Variants in FRMD3 observed in about 807,000 individuals in gnomAD.
FRMD3 encodes the protein FERM domain-containing protein 3.
FRMD3 carries 33 observed loss-of-function variants against 70.2 expected under a neutral mutation model. The observed-to-expected ratio is 0.47, with a 90% CI of 0.36 to 0.63. The LOEUF (loss-of-function observed/expected upper bound fraction) is 0.63. FRMD3 is among the 20% of genes least tolerant of loss of function. FRMD3 has a pLI of 0.00. For synonymous variants in FRMD3, 279 were observed against 255.9 expected, an observed-to-expected ratio of 1.09 and a Z score of -0.86; for missense variants, 632 against 711.4, an observed-to-expected ratio of 0.89 and a Z score of 1.27.
intron 12 of FRMD3, among the ~76,000 whole-genome samples, chr9:83,290,966 A>G (rs1834396203): frequency 6.6e-6 from 1 of 152,182 alleles, no homozygotes; most frequent in Admixed American, 6.5e-5. Flanking sequence ...TACAGTTCCC[A>G]ATACATCACC....
intron 4 of FRMD3, 109 bp downstream of exon 4, chr9:83,349,570 C>T: frequency 1.5e-6 from 1 of 660,906 alleles, no homozygotes; most frequent in Non-Finnish European, 2.6e-6. Context: ...TCCAAGCTTG[C>T]AACACTGAGA....
At chr9:83,464,588 G>A (rs1828067374) in intron 1 of FRMD3, among the ~76,000 whole-genome samples, 2 of 152,140 alleles carry the variant, frequency 1.3e-5, no homozygotes, top group African/African-American at 2.4e-5. Context: ...CAATCTGATC[G>A]AAACCCATGA....
chr9:83,356,561 C>A (rs1187615426), intron 3 of FRMD3, among the ~76,000 whole-genome samples: 1 of 151,670 alleles, frequency 6.6e-6, no homozygotes, highest in Non-Finnish European at 1.5e-5. Context: ...CAGGGGTGAG[C>A]CACCGCGCCC....
Position 83,388,999 on chromosome 9 carries a change from G to A in FRMD3, c.252+605C>T, listed in dbSNP as rs117552828. 1.9e-3 allele frequency among the ~76,000 whole-genome samples: 271 copies of A among 143,704 alleles called. 6 individuals carry two copies. The East Asian group carries it at 0.046, about 24-fold the overall frequency. 94.3% of individuals were successfully genotyped at this position (143,704 alleles called of 152,430 possible). On this transcript the variant is annotated intron_variant, in intron 2 of 13. Transcript: ENST00000304195. ...CTTGCTCTGTAACCCAGGCTGGAGT[G>A]TAGTAGCCCCATCACAGATCACTGC...
chr9:83,354,058 G>A (rs1008181586), intron 3 of FRMD3, among the ~76,000 whole-genome samples: 1 of 152,120 alleles, frequency 6.6e-6, no homozygotes, highest in African/African-American at 2.4e-5. Flanking sequence ...CCAAGTAGCT[G>A]AGAATACAGG....
intron 1 of FRMD3, among the ~76,000 whole-genome samples, chr9:83,397,390 C>G (rs1272048361): frequency 6.6e-6 from 1 of 152,174 alleles, no homozygotes; most frequent in Non-Finnish European, 1.5e-5. Flanking sequence ...GAAGTACATC[C>G]TCAGAGCCAG....
At chr9:83,396,440 A>G (rs1157760057) in intron 1 of FRMD3, among the ~76,000 whole-genome samples, 1 of 152,228 alleles carries the variant, frequency 6.6e-6, no homozygotes, top group Admixed American at 6.5e-5. Context: ...GTGTACACAC[A>G]TGCACGCACA....
intron 1 of FRMD3, among the ~76,000 whole-genome samples, chr9:83,450,616 G>A (rs140095742): frequency 7.6e-4 from 115 of 152,164 alleles, no homozygotes; most frequent in African/African-American, 2.6e-3. Context: ...GAGTCCCCAC[G>A]TGGCAGCCTG....
intron 1 of FRMD3, among the ~76,000 whole-genome samples, chr9:83,444,047 T>A (rs942408209): frequency 6.6e-6 from 1 of 152,246 alleles, no homozygotes; most frequent in South Asian, 2.1e-4. Flanking sequence ...CATGTTCAAA[T>A]GTTACAATTA....
chr9:83,429,538 C>A (rs543709529), intron 1 of FRMD3, among the ~76,000 whole-genome samples: 1 of 152,172 alleles, frequency 6.6e-6, no homozygotes, highest in East Asian at 1.9e-4. Flanking sequence ...TCTCTGCCCA[C>A]CTTGTAGAAG....
intron 1 of FRMD3, among the ~76,000 whole-genome samples, chr9:83,523,153 AGGAT>A (rs144992070): frequency 0.12 from 18,255 of 149,628 alleles, 1,242 homozygotes; most frequent in East Asian, 0.25. Flanking sequence ...GAATGGATGG[AGGAT>A]GGATGGATGG....
chr9:83,561,569 A>G, the FRMD3 span, among the ~76,000 whole-genome samples: 2 of 152,232 alleles, frequency 1.3e-5, no homozygotes, highest in African/African-American at 4.8e-5. Context: ...TTTATTGCTT[A>G]TTCTACATGA....
At chr9:83,520,158 T>C (rs994190664) in intron 1 of FRMD3, among the ~76,000 whole-genome samples, 1 of 152,026 alleles carries the variant, frequency 6.6e-6, no homozygotes, top group Non-Finnish European at 1.5e-5. Context: ...AAAGGAAATA[T>C]GAAAATGGGG....
intron 1 of FRMD3, among the ~76,000 whole-genome samples, chr9:83,504,017 A>C (rs1829129407): frequency 1.3e-5 from 2 of 152,128 alleles, no homozygotes; most frequent in Non-Finnish European, 2.9e-5. Context: ...GGAAGAGAAT[A>C]CACTCCGCAT....
At chr9:83,458,975 A>G (rs1827895648) in intron 1 of FRMD3, among the ~76,000 whole-genome samples, 1 of 152,240 alleles carries the variant, frequency 6.6e-6, no homozygotes. Context: ...ACATTTTGTT[A>G]TACTCAGCTA....
chr9:83,272,429 G>A (rs1454255130), intron 13 of FRMD3, among the ~76,000 whole-genome samples: 6 of 152,100 alleles, frequency 3.9e-5, no homozygotes, highest in African/African-American at 1.2e-4. Context: ...CCAGGCTGGA[G>A]TGCAGTGGCG....
At position 83,452,848 on chromosome 9, in the gene FRMD3, C is replaced by CTTT. The variant is rs11346596; in HGVS notation, c.148-63143_148-63141dup. 2.5e-3 allele frequency among the ~76,000 whole-genome samples: 179 copies of CTTT among 72,366 alleles called. 1 individual carries two copies. The highest frequency in any genetic ancestry group is 4.3e-3 in the East Asian group (10 of 2,310). 47.5% of individuals were successfully genotyped at this position (72,366 alleles called of 152,430 possible). A position where few individuals can be genotyped will look rare whatever the true frequency, so the allele number is the denominator to read the frequency against. Reference sequence around the variant, plus strand: ...AAAGAATTATCCAAATTTTTATTGCCTTTTTTTTTTTTTTTTTTTTTTTTG... The same window carrying CTTT: ...AAAGAATTATCCAAATTTTTATTGCCTTTTTTTTTTTTTTTTTTTTTTTTTTTG... On this transcript the variant is annotated intron_variant, in intron 1 of 13. Coordinates refer to ENST00000304195, the MANE Select transcript of FRMD3 (RefSeq NM_174938.6).
chr9:83,375,712 T>C (rs34267732), intron 2 of FRMD3, among the ~76,000 whole-genome samples: 16,053 of 152,172 alleles, frequency 0.11, 1,148 homozygotes, highest in Non-Finnish European at 0.15. Flanking sequence ...CACTGGGGCC[T>C]ATCAGAGGGT....
intron 8 of FRMD3, 134 bp downstream of exon 8, chr9:83,311,753 C>G: frequency 1.4e-6 from 1 of 718,258 alleles, no homozygotes; most frequent in Non-Finnish European, 2.4e-6. Flanking sequence ...TGTTACATCC[C>G]TTTATGATGA....
Sources: allele counts gnomAD v4.1 joint callset (sites outside exome capture counted in the v4.1 genomes callset), GRCh38; gene constraint gnomAD v4.1.1; transcripts MANE v1.5; gene names NCBI Gene and HGNC (gene_info 2026-07-23, HGNC 2026-07-21).